MKKS: variants seen among roughly 807,000 people sequenced by gnomAD.
MKKS encodes the protein molecular chaperone MKKS.
A neutral mutation model predicts 33.2 loss-of-function variants in MKKS; 29 were observed. That is an observed-to-expected ratio of 0.87 (90% CI 0.65 to 1.19). The LOEUF is 1.19. MKKS is among the 50% of genes most tolerant of loss of function. MKKS has a pLI of 0.00. For missense variants in MKKS, 661 were observed against 662.3 expected (o/e 1.00, Z 0.02); for synonymous variants, 260 against 244.0 (o/e 1.07, Z -0.61).
At chr20:10,433,184 T>G (rs6133931) in intron 1 of MKKS, among the ~76,000 whole-genome samples, 8,962 of 152,312 alleles carry the variant, frequency 0.059, 326 homozygotes, top group East Asian at 0.19. Context: ...TTTTGTACTT[T>G]TAGCAGAGAC....
chr20:10,413,025 A>T lies in MKKS; in HGVS notation c.490T>A (p.Cys164Ser), dbSNP rs754004530. 3 of 1,613,962 alleles carry T rather than the reference A, an allele frequency of 1.9e-6. No individual in the cohort carries two copies. Among genetic ancestry groups the T allele is most frequent in the Non-Finnish European group, 2.5e-6 (3 of 1,180,050 alleles). ...TCTGTTTCCTTTCTGGTGAGCATACAGGCAGGTTTACTTGTTAATATACTA... is the reference window on the plus strand; with the variant it reads ...TCTGTTTCCTTTCTGGTGAGCATACTGGCAGGTTTACTTGTTAATATACTA... ...VRSILTSKPA[C>S]MLTRKETEHV... Residue 164 changes from cysteine (C) to serine (S), a missense_variant, in exon 3 of 6, where the codon TGT (cysteine) becomes AGT (serine). Coordinates refer to ENST00000347364, the MANE Select transcript of MKKS (RefSeq NM_170784.3).
At position 10,418,227 on chromosome 20, in the gene MKKS, G is replaced by A. The variant is rs534521841; in HGVS notation, c.-418+2301C>T. Among the ~76,000 whole-genome samples the A allele has an allele frequency of 2.0e-5, 3 of 152,290 alleles. No homozygotes were observed. In the South Asian group the frequency reaches 6.2e-4, roughly 32 times the overall value. ...TATTCTAGCAGTTCAAAAAACAGAG[G>A]AAAAGATGGATAAAAGAAGACTGGC... On this transcript the variant is annotated intron_variant, in intron 2 of 5. Coordinates refer to ENST00000347364, the MANE Select transcript of MKKS (RefSeq NM_170784.3).
intron 2 of MKKS, among the ~76,000 whole-genome samples, chr20:10,414,556 T>G (rs2064923188): frequency 6.6e-6 from 1 of 152,170 alleles, no homozygotes; most frequent in Admixed American, 6.6e-5. Context: ...TGAGCCACTG[T>G]GCCCGGCAAG....
rs781066396 is a variant in MKKS at position 10,407,737 on chromosome 20, AC to A, written c.1162-12del. 106 of 1,602,748 alleles carry A rather than the reference AC, an allele frequency of 6.6e-5. No homozygotes were observed. In the Middle Eastern group the frequency reaches 6.6e-4, roughly 10 times the overall value. ...CGTCTGACACGTGAGCTAAGAAAAA[AC>A]CCAAATCATCAGAATCAGACGTTCA... On this transcript the variant is annotated splice_polypyrimidine_tract_variant and intron_variant, in intron 4 of 5. Coordinates refer to ENST00000347364, the MANE Select transcript of MKKS (RefSeq NM_170784.3).
chr20:10,412,439 G>T lies in MKKS; in HGVS notation c.985+91C>A, dbSNP rs1017615049. 3.7e-5 allele frequency: 48 copies of T among 1,290,196 alleles called. No homozygotes were observed. In the Middle Eastern group the frequency reaches 9.5e-4, roughly 26 times the overall value. 79.9% of individuals were successfully genotyped at this position (1,290,196 alleles called of 1,614,324 possible). On this transcript the variant is annotated intron_variant, in intron 3 of 5. Coordinates refer to ENST00000347364, the MANE Select transcript of MKKS (RefSeq NM_170784.3). The stretch of plus-strand genomic sequence containing the variant: ...GACACATGCTGGGTCAATTTTTCAA[G>T]ATGTTAACAGTGACACAAACCAAAA...
chr20:10,430,937 T>A (rs565640260), intron 1 of MKKS, among the ~76,000 whole-genome samples: 7 of 152,326 alleles, frequency 4.6e-5, no homozygotes, highest in African/African-American at 1.7e-4. Flanking sequence ...AGCAAAAGCA[T>A]TGAGTAATGG....
intron 1 of MKKS, among the ~76,000 whole-genome samples, chr20:10,425,520 T>C (rs527372558): frequency 6.6e-6 from 1 of 152,236 alleles, no homozygotes; most frequent in South Asian, 2.1e-4. Flanking sequence ...AGGTTCATGA[T>C]ACTGAGAAGC....
intron 3 of MKKS, among the ~76,000 whole-genome samples, chr20:10,410,981 G>A (rs112869317): frequency 0.013 from 1,980 of 151,640 alleles, 41 homozygotes; most frequent in African/African-American, 0.046. Context: ...TGGTTTCTAC[G>A]GGAAAATGTT....
rs1174248449 is a variant in MKKS, at chr20:10,402,340, A to T, written c.*2907T>A. 2 of 152,048 alleles carry T rather than the reference A, an allele frequency of 1.3e-5. No individual in the cohort carries two copies. Among genetic ancestry groups the T allele is most frequent in the African/African-American group, 2.4e-5 (1 of 41,402 alleles). The allele number at this position is 152,048 out of a possible 1,614,324, so 9.4% of individuals were successfully genotyped here. A position where few individuals can be genotyped will look rare whatever the true frequency, so the allele number is the denominator to read the frequency against. On this transcript the variant is annotated 3_prime_UTR_variant, in exon 6 of 6. Transcript: ENST00000347364. ...TCCTCTAAAATTATTTTCATCAAGAATTTTCATTTCATGTTTTATCATCTA... is the reference window on the plus strand; with the variant it reads ...TCCTCTAAAATTATTTTCATCAAGATTTTTCATTTCATGTTTTATCATCTA...
At chr20:10,405,715 A>G in intron 5 of MKKS, 28 bp from the exon 6 acceptor site, 1 of 1,537,466 alleles carries the variant, frequency 6.5e-7, no homozygotes, top group Non-Finnish European at 9.0e-7. Context: ...CATTGAAAAC[A>G]CATACAAAGC....
chr20:10,411,202 G>C (rs2064883668), intron 3 of MKKS, among the ~76,000 whole-genome samples: 1 of 151,786 alleles, frequency 6.6e-6, no homozygotes, highest in African/African-American at 2.4e-5. Context: ...TGGCCAGGAT[G>C]GTCTCGATCT....
At chr20:10,411,473 G>A (rs2064886663) in intron 3 of MKKS, among the ~76,000 whole-genome samples, 1 of 152,096 alleles carries the variant, frequency 6.6e-6, no homozygotes, top group Non-Finnish European at 1.5e-5. Context: ...GAAATTGCCA[G>A]ATTCATGCAA....
In MKKS at chr20:10,413,773, AT is replaced by A; in HGVS notation, c.-260del. 2 of 585,752 alleles carry A rather than the reference AT, an allele frequency of 3.4e-6. No individual in the cohort carries two copies. The highest frequency in any genetic ancestry group is 5.6e-5 in the East Asian group (2 of 36,032). The allele number at this position is 585,752 out of a possible 1,614,324, so 36.3% of individuals were successfully genotyped here. On this transcript the variant is annotated 5_prime_UTR_variant, in exon 3 of 6. An upstream open reading frame in the 5' UTR loses its in-frame stop. Transcript: ENST00000347364. ...CTCTTTTGTTTGCTTTGAGACTGAA[AT>A]TTTACAGACTGCTTTGCAGACCTCT...
chr20:10,410,720 A>G (rs1041492643), intron 3 of MKKS, among the ~76,000 whole-genome samples: 2 of 152,194 alleles, frequency 1.3e-5, no homozygotes, highest in Non-Finnish European at 1.5e-5. Context: ...TCATTAATAA[A>G]CAGGAATTTT....
chr20:10,408,719 G>T lies in MKKS; in HGVS notation c.1070C>A (p.Ser357Tyr). 1 of 1,613,930 alleles carries T rather than the reference G, an allele frequency of 6.2e-7. No individual in the cohort carries two copies. Among genetic ancestry groups the T allele is most frequent in the South Asian group, 1.1e-5 (1 of 91,068 alleles). Residue 357 changes from serine (S) to tyrosine (Y), a missense_variant, in exon 4 of 6, where the codon TCC (serine) becomes TAC (tyrosine). By Grantham distance (144) the Ser-to-Tyr change is moderately radical. Transcript: ENST00000347364. The part of the protein sequence containing the change: ...VKDVCTAKFG[S>Y]KHFFHLIPNE... ...AGGAATAAGATGAAAAAAATGTTTGGAGCCAAATTTTGCAGTGCACACATC... is the reference window on the plus strand; with the variant it reads ...AGGAATAAGATGAAAAAAATGTTTGTAGCCAAATTTTGCAGTGCACACATC...
intron 1 of MKKS, among the ~76,000 whole-genome samples, chr20:10,427,979 C>T (rs117177926): frequency 0.016 from 2,431 of 152,258 alleles, 21 homozygotes; most frequent in Non-Finnish European, 0.021. Flanking sequence ...AACAGGTATG[C>T]GTAAGTATCT....
intron 3 of MKKS, among the ~76,000 whole-genome samples, 156 bp from the exon 4 acceptor site, chr20:10,408,959 G>A (rs887366814): frequency 2.0e-5 from 3 of 152,130 alleles, no homozygotes; most frequent in African/African-American, 7.2e-5. Context: ...TTCCTAAACT[G>A]CTAAGTTATA....
At chr20:10,411,581 CAT>C (rs1351019067) in intron 3 of MKKS, among the ~76,000 whole-genome samples, 1 of 152,180 alleles carries the variant, frequency 6.6e-6, no homozygotes, top group African/African-American at 2.4e-5. Context: ...TTTTGACAGT[CAT>C]TTGAGTCTTA....
Position 10,413,326 on chromosome 20 carries a change from C to T in MKKS, c.189G>A (p.Leu63=), listed in dbSNP as rs1325477606. 2.5e-6 allele frequency: 4 copies of T among 1,614,160 alleles called. No homozygotes were observed. The highest frequency in any genetic ancestry group is 1.7e-6 in the Non-Finnish European group (2 of 1,180,004). The change falls in exon 3 of 6, where the codon CTG becomes CTA. Residue 63 remains leucine (L), a synonymous_variant. Coordinates refer to ENST00000347364, the MANE Select transcript of MKKS (RefSeq NM_170784.3). ...YVCTTSQSSA[L]LSHLLVTHPI... ...GATGTGTGACCAAAAGGTGACTGAG[C>T]AGAGCTGAGGACTGTGAGGTTGTAC...
Sources: gnomAD v4.1 joint callset for allele counts (sites outside exome capture counted in the v4.1 genomes callset) on GRCh38, gnomAD v4.1.1 for gene constraint, MANE v1.5 for transcripts, NCBI Gene and HGNC (gene_info 2026-07-23, HGNC 2026-07-21) for gene names.